The following IL1RAPL2 variants were observed in gnomAD, a reference collection of about 807,000 sequenced individuals.
The protein encoded by IL1RAPL2 is X-linked interleukin-1 receptor accessory protein-like 2.
IL1RAPL2 carries 3 observed loss-of-function variants against 44.1 expected under a neutral mutation model. The observed-to-expected ratio is 0.07, with a 90% CI of 0.03 to 0.18. The LOEUF is 0.18. Among genes scored for constraint, IL1RAPL2 ranks in the 10% least tolerant of loss-of-function variants. The pLI, the probability that IL1RAPL2 is intolerant of heterozygous loss-of-function variation, is 1.00. For missense variants in IL1RAPL2, 391 were observed against 496.4 expected (o/e 0.79, Z 2.02); for synonymous variants, 181 against 178.8 (o/e 1.01, Z -0.10).
At chrX:105,308,093 T>C (rs909023531) in intron 5 of IL1RAPL2, among the ~76,000 whole-genome samples, 5 of 111,077 alleles carry the variant, frequency 4.5e-5, no homozygotes, top group African/African-American at 1.3e-4. Flanking sequence ...TCTGTTGATA[T>C]ATTAAAAACC....
intron 6 of IL1RAPL2, among the ~76,000 whole-genome samples, chrX:105,681,321 C>T (rs772150043): frequency 9.0e-6 from 1 of 111,565 alleles, no homozygotes; most frequent in East Asian, 2.8e-4. Context: ...TTTCTAGTTT[C>T]CTTCAGTTCG....
rs750540670 is a variant in IL1RAPL2, at chrX:105,430,975, C to T, written c.698-53338C>T. Reference sequence around the variant, plus strand: ...TAGTTTCTAGCATTAAATGGACTCTCTTGCACAGCATGCTACCGACTCTGC... The same window carrying T: ...TAGTTTCTAGCATTAAATGGACTCTTTTGCACAGCATGCTACCGACTCTGC... On this transcript the variant is annotated intron_variant, in intron 5 of 10. Transcript: ENST00000372582. 3.6e-5 allele frequency among the ~76,000 whole-genome samples: 4 copies of T among 112,059 alleles called. No homozygotes were observed. The East Asian group carries it at 1.1e-3, about 32-fold the overall frequency.
Position 105,720,852 on chromosome X carries a change from G to C in IL1RAPL2, c.902+3356G>C, listed in dbSNP as rs184363835. On this transcript the variant is annotated intron_variant, in intron 7 of 10. Transcript: ENST00000372582. ...GATTTATAGGAAAATCATGAGGATA[G>C]TATATAGAGTTCCTATATACCCCAT... 7.8e-4 allele frequency among the ~76,000 whole-genome samples: 86 copies of C among 109,716 alleles called. 2 individuals carry two copies. The highest frequency in any genetic ancestry group is 4.4e-4 in the Non-Finnish European group (23 of 52,661).
chrX:104,938,504 T>G (rs1218738420), intron 2 of IL1RAPL2, among the ~76,000 whole-genome samples: 1 of 111,687 alleles, frequency 9.0e-6, no homozygotes, highest in Non-Finnish European at 1.9e-5. Flanking sequence ...TCTTCAATAT[T>G]ATGAATGCAG....
At chrX:105,230,184 C>T (rs190259969) in intron 3 of IL1RAPL2, among the ~76,000 whole-genome samples, 1 of 111,641 alleles carries the variant, frequency 9.0e-6, no homozygotes, top group Non-Finnish European at 1.9e-5. Flanking sequence ...CTCAGAGTGC[C>T]TGGAAGTTCC....
intron 5 of IL1RAPL2, among the ~76,000 whole-genome samples, chrX:105,272,727 C>G (rs1261830998): frequency 1.8e-5 from 2 of 112,610 alleles, no homozygotes; most frequent in African/African-American, 6.4e-5. Flanking sequence ...TGGGATCAGT[C>G]TTTGGTGAAT....
intron 2 of IL1RAPL2, among the ~76,000 whole-genome samples, chrX:104,798,275 C>T (rs5962445): frequency 9.9e-5 from 11 of 110,588 alleles, no homozygotes; most frequent in Non-Finnish European, 1.9e-4. Context: ...CAGAGTCAGT[C>T]TAAGTATAAT....
At chrX:104,872,343 G>T (rs1415187197) in intron 2 of IL1RAPL2, among the ~76,000 whole-genome samples, 1 of 111,595 alleles carries the variant, frequency 9.0e-6, no homozygotes, top group East Asian at 2.8e-4. Context: ...AATTTGGAAA[G>T]CTCTCCTTAA....
chrX:105,339,778 C>T (rs1034598948), intron 5 of IL1RAPL2, among the ~76,000 whole-genome samples: 3 of 111,199 alleles, frequency 2.7e-5, no homozygotes, highest in African/African-American at 3.3e-5. Context: ...ATACATAGAA[C>T]GAAAGCCAGG....
intron 2 of IL1RAPL2, among the ~76,000 whole-genome samples, chrX:105,113,229 C>T (rs1011361296): frequency 3.6e-5 from 4 of 112,295 alleles, no homozygotes; most frequent in Admixed American, 9.4e-5. Context: ...CACAGCTATC[C>T]CCCTGGGGAG....
intron 6 of IL1RAPL2, among the ~76,000 whole-genome samples, chrX:105,711,393 ACTCT>A (rs1306558478): frequency 9.1e-6 from 1 of 109,358 alleles, no homozygotes; most frequent in Non-Finnish European, 1.9e-5. Context: ...CTAGGAGTCC[ACTCT>A]CTCTCTCTCA....
chrX:105,571,966 A>AT (rs1237081434), intron 6 of IL1RAPL2, among the ~76,000 whole-genome samples: 2 of 111,575 alleles, frequency 1.8e-5, no homozygotes, highest in African/African-American at 6.5e-5. Flanking sequence ...AGAAAAAAAA[A>AT]GCCTTCCTTA....
chrX:105,417,199 C>T (rs1186209136), intron 5 of IL1RAPL2, among the ~76,000 whole-genome samples: 2 of 112,472 alleles, frequency 1.8e-5, no homozygotes, highest in Non-Finnish European at 3.8e-5. Context: ...GTAGGCCGGG[C>T]GCAGTGGCTC....
At chrX:105,713,058 G>T (rs6616588) in intron 6 of IL1RAPL2, among the ~76,000 whole-genome samples, 4,790 of 112,291 alleles carry the variant, frequency 0.043, 267 homozygotes, top group African/African-American at 0.15. Context: ...GGGCAGCTCT[G>T]CCCCTGTGGA....
chrX:104,607,496 A>T (rs1260698575), intron 1 of IL1RAPL2, among the ~76,000 whole-genome samples: 1 of 111,858 alleles, frequency 8.9e-6, no homozygotes, highest in Non-Finnish European at 1.9e-5. Context: ...CATCTGAAAA[A>T]CGCTAATATC....
At chrX:105,323,914 A>G (rs1309793828) in intron 5 of IL1RAPL2, among the ~76,000 whole-genome samples, 1 of 110,907 alleles carries the variant, frequency 9.0e-6, no homozygotes, top group African/African-American at 3.3e-5. Context: ...ACACACACAC[A>G]CAGCCCTCAA....
intron 1 of IL1RAPL2, among the ~76,000 whole-genome samples, chrX:104,658,540 A>G (rs926034682): frequency 6.2e-5 from 7 of 112,387 alleles, no homozygotes; most frequent in African/African-American, 2.3e-4. Flanking sequence ...GATGCAGCAA[A>G]CCAACATGGC....
chrX:104,672,761 G>T (rs1490059808), intron 2 of IL1RAPL2, among the ~76,000 whole-genome samples: 1 of 106,542 alleles, frequency 9.4e-6, no homozygotes, highest in East Asian at 2.9e-4. Flanking sequence ...AGCACCTGTT[G>T]TTTCCTGACT....
chrX:105,754,094 T>A (rs1602556593), intron 9 of IL1RAPL2, among the ~76,000 whole-genome samples: 1 of 112,422 alleles, frequency 8.9e-6, no homozygotes, highest in African/African-American at 3.2e-5. Flanking sequence ...TAATTAGGTA[T>A]GTTTTAATAG....
Sources: allele counts gnomAD v4.1 joint callset (sites outside exome capture counted in the v4.1 genomes callset), GRCh38; gene constraint gnomAD v4.1.1; transcripts MANE v1.5; gene names NCBI Gene and HGNC (gene_info 2026-07-23, HGNC 2026-07-21).